The following POLE2 variants were observed in gnomAD, a reference collection of about 807,000 sequenced individuals.
POLE2 encodes DNA polymerase epsilon 2, accessory subunit, also known as DNA polymerase epsilon subunit 2.
Under a neutral mutation model 79.4 loss-of-function variants are expected in POLE2, and 56 were observed. The observed-to-expected ratio is 0.71, with a 90% CI of 0.57 to 0.88. POLE2 has a LOEUF of 0.88. Among genes scored for constraint, POLE2 ranks in the 40% least tolerant of loss-of-function variants. The pLI is 0.00. For missense variants in POLE2, 598 were observed against 638.9 expected (o/e 0.94, Z 0.69); for synonymous variants, 212 against 214.0 (o/e 0.99, Z 0.08).
intron 5 of POLE2, among the ~76,000 whole-genome samples, chr14:49,671,809 C>T (rs1262184147): frequency 6.6e-6 from 1 of 151,782 alleles, no homozygotes; most frequent in Non-Finnish European, 1.5e-5. Flanking sequence ...AAAAAGTTAA[C>T]TGGGTGTGGT....
chr14:49,678,278 C>T (rs932874374), intron 3 of POLE2, among the ~76,000 whole-genome samples: 3 of 152,022 alleles, frequency 2.0e-5, no homozygotes, highest in East Asian at 1.9e-4. Flanking sequence ...GCTGGGATTA[C>T]GGGCATGAGC....
chr14:49,682,639 G>GGAA (rs1886803615), intron 2 of POLE2, among the ~76,000 whole-genome samples: 1 of 101,948 alleles, frequency 9.8e-6, no homozygotes, highest in Non-Finnish European at 1.8e-5. Flanking sequence ...TCCTTCTCAG[G>GGAA]GAAAAAAAAA....
intron 5 of POLE2, among the ~76,000 whole-genome samples, chr14:49,671,356 C>T (rs1329983344): frequency 2.6e-5 from 4 of 152,120 alleles, no homozygotes; most frequent in Admixed American, 6.6e-5. Context: ...CAGTGGCTCA[C>T]GCTTGTGATC....
chr14:49,647,271 CT>C lies in POLE2; in HGVS notation c.1565+21del, dbSNP rs747456001. On this transcript the variant is annotated intron_variant, in intron 18 of 18. Transcript: ENST00000216367. Reference sequence around the variant, plus strand: ...AACACCTAGAGAAAGATCTTTCTTGCTGTGTCTGTGCACACACTTACCTATC... The same window carrying C: ...AACACCTAGAGAAAGATCTTTCTTGCGTGTCTGTGCACACACTTACCTATC... 1.2e-4 allele frequency: 144 copies of C among 1,246,646 alleles called. No homozygotes were observed. The African/African-American group carries it at 2.1e-3, about 18-fold the overall frequency. The allele number at this position is 1,246,646 out of a possible 1,614,324, so 77.2% of individuals were successfully genotyped here.
rs193273066 is a variant in POLE2, at chr14:49,685,330, A to G, written c.69-1637T>C. Reference sequence around the variant, plus strand: ...GAATTATAGATAACTTTAAAACTGTAACTTAGAACTCTGTGCCATCCTTCC... The same window carrying G: ...GAATTATAGATAACTTTAAAACTGTGACTTAGAACTCTGTGCCATCCTTCC... On this transcript the variant is annotated intron_variant, in intron 1 of 18. Coordinates refer to ENST00000216367, the MANE Select transcript of POLE2 (RefSeq NM_002692.4). 1.1e-4 allele frequency among the ~76,000 whole-genome samples: 16 copies of G among 152,352 alleles called. No individual in the cohort carries two copies. In the East Asian group the frequency reaches 2.7e-3, roughly 26 times the overall value.
chr14:49,648,030 A>T (rs888651376), intron 17 of POLE2, among the ~76,000 whole-genome samples: 1 of 152,238 alleles, frequency 6.6e-6, no homozygotes, highest in African/African-American at 2.4e-5. Flanking sequence ...ATGTGAGACA[A>T]TCAGCAAGTT....
chr14:49,657,005 C>T (rs536594043), intron 10 of POLE2, among the ~76,000 whole-genome samples: 11 of 151,600 alleles, frequency 7.3e-5, no homozygotes, highest in African/African-American at 2.2e-4. Flanking sequence ...TCCAGCTACT[C>T]GGGAGGCTGA....
intron 18 of POLE2, among the ~76,000 whole-genome samples, chr14:49,645,806 A>AT (rs1335606793): frequency 1.3e-5 from 2 of 152,016 alleles, no homozygotes; most frequent in Admixed American, 6.6e-5. Context: ...AATTTTTTGT[A>AT]TTTTTTTGTA....
rs1051799200 is a variant in POLE2, at chr14:49,643,599, T to C, written c.*53A>G. ...ATTGTAATATCAGAATCACATAAGA[T>C]ATAGAGTTAAGCAGAAAACTGATGA... On this transcript the variant is annotated 3_prime_UTR_variant, in exon 19 of 19. Transcript: ENST00000216367. 115 of 932,376 alleles carry C rather than the reference T, an allele frequency of 1.2e-4. 1 individual carries two copies. In the African/African-American group the frequency reaches 1.8e-3, roughly 14 times the overall value. The allele number at this position is 932,376 out of a possible 1,614,324, so 57.8% of individuals were successfully genotyped here.
intron 1 of POLE2, among the ~76,000 whole-genome samples, chr14:49,683,931 A>C (rs1326225638): frequency 6.6e-6 from 1 of 152,192 alleles, no homozygotes; most frequent in Non-Finnish European, 1.5e-5. Flanking sequence ...GACCAGCTCT[A>C]CCTGCTGCAA....
chr14:49,660,826 G>A (rs1357396305), intron 10 of POLE2, among the ~76,000 whole-genome samples: 1 of 152,214 alleles, frequency 6.6e-6, no homozygotes. Context: ...GGGAAGTAGA[G>A]GTTGTGGTGA....
intron 13 of POLE2, 130 bp downstream of exon 13, chr14:49,654,654 A>T: frequency 9.4e-7 from 1 of 1,065,704 alleles, no homozygotes; most frequent in Non-Finnish European, 1.3e-6. Flanking sequence ...TTTATCTCTT[A>T]GTTCTTTTAA....
chr14:49,668,350 C>T (rs1421005622), intron 6 of POLE2, among the ~76,000 whole-genome samples: 1 of 151,038 alleles, frequency 6.6e-6, no homozygotes, highest in African/African-American at 2.4e-5. Flanking sequence ...TAGTGGTGCA[C>T]ACCTATTGTC....
intron 16 of POLE2, among the ~76,000 whole-genome samples, chr14:49,650,808 C>G (rs982661713): frequency 5.3e-5 from 8 of 152,126 alleles, no homozygotes; most frequent in African/African-American, 1.9e-4. Context: ...TGCTCTGTAA[C>G]ATCTATTTCC....
At chr14:49,652,213 G>A (rs1414456679) in intron 15 of POLE2, among the ~76,000 whole-genome samples, 2 of 9,566 alleles carry the variant, frequency 2.1e-4, no homozygotes, top group African/African-American at 8.5e-4. Flanking sequence ...GCAGTGAGCC[G>A]AGATCGCGCC....
At position 49,652,311 on chromosome 14, in the gene POLE2, A is replaced by AAAAAAAAG. The variant is rs1566531691; in HGVS notation, c.1212-935_1212-934insCTTTTTTT. On this transcript the variant is annotated intron_variant, in intron 15 of 18. Coordinates refer to ENST00000216367, the MANE Select transcript of POLE2 (RefSeq NM_002692.4). ...AAAAAAAAAAAAAAAAAAAAAAAAA[A>AAAAAAAAG]GAATAGAATACGGAGGGGAAGGAGT... 2.8e-5 allele frequency among the ~76,000 whole-genome samples: 4 copies of AAAAAAAAG among 140,900 alleles called. No individual in the cohort carries two copies. The East Asian group carries it at 1.0e-3, about 36-fold the overall frequency. The allele number at this position is 140,900 out of a possible 152,430, so 92.4% of individuals were successfully genotyped here.
rs3218798 is a variant in POLE2, at chr14:49,666,339, C to T, written c.567G>A (p.Gln189=). The change falls in exon 7 of 19, where the codon CAG becomes CAA. Residue 189 remains glutamine (Q), a synonymous_variant. Coordinates refer to ENST00000216367, the MANE Select transcript of POLE2 (RefSeq NM_002692.4). The part of the protein sequence containing the change: ...GDAIVLGMIT[Q]LKEGKFFLED... Reference sequence around the variant, plus strand: ...ATGCTTATTAAGTTACCTCTTTTAACTGCGTTATCATTCCAAGAACAATCG... The same window carrying T: ...ATGCTTATTAAGTTACCTCTTTTAATTGCGTTATCATTCCAAGAACAATCG... 9.9e-3 allele frequency: 15,080 copies of T among 1,526,336 alleles called. 108 individuals carry two copies. The highest frequency in any genetic ancestry group is 0.014 in the Middle Eastern group (85 of 5,896). 94.5% of individuals were successfully genotyped at this position (1,526,336 alleles called of 1,614,324 possible). A position where few individuals can be genotyped will look rare whatever the true frequency, so the allele number is the denominator to read the frequency against.
intron 1 of POLE2, 78 bp downstream of exon 1, chr14:49,688,058 G>A (rs1887290567): frequency 1.6e-6 from 2 of 1,217,620 alleles, no homozygotes; most frequent in Non-Finnish European, 2.3e-6. Context: ...GAGCCGCCGC[G>A]GTGCGTCCCG....
chr14:49,663,244 C>T (rs1594583204), intron 10 of POLE2, 71 bp downstream of exon 10: 7 of 661,854 alleles, frequency 1.1e-5, no homozygotes, highest in South Asian at 3.3e-5. Context: ...TGAGATATGA[C>T]GTACTATCTT....
Sources: gnomAD v4.1 joint callset for allele counts (sites outside exome capture counted in the v4.1 genomes callset) on GRCh38, gnomAD v4.1.1 for gene constraint, MANE v1.5 for transcripts, NCBI Gene and HGNC (gene_info 2026-07-23, HGNC 2026-07-21) for gene names.